Variants in OCIAD1 observed in about 807,000 individuals in gnomAD.
The protein encoded by OCIAD1 is OCIA domain containing 1.
OCIAD1 carries 29 observed loss-of-function variants against 38.9 expected under a neutral mutation model. The observed-to-expected ratio is 0.74, with a 90% confidence interval of 0.55 to 1.02. The LOEUF is 1.02. OCIAD1 is among the 50% of genes least tolerant of loss of function. OCIAD1 has a pLI of 0.00. For missense variants in OCIAD1, 288 were observed against 289.6 expected, an observed-to-expected ratio of 0.99 and a Z score of 0.04; for synonymous variants, 110 against 92.0, an observed-to-expected ratio of 1.20 and a Z score of -1.12.
intron 1 of OCIAD1, among the ~76,000 whole-genome samples, chr4:48,810,285 C>T (rs189527834): frequency 4.9e-4 from 74 of 151,552 alleles, no homozygotes; most frequent in Middle Eastern, 3.4e-3. Flanking sequence ...CTGGCTAACA[C>T]GGTGAAAACC....
At chr4:48,823,800 C>A (rs868503682) in intron 1 of OCIAD1, among the ~76,000 whole-genome samples, 5 of 141,954 alleles carry the variant, frequency 3.5e-5, no homozygotes, top group South Asian at 2.3e-4. Flanking sequence ...TTAGCTAGGA[C>A]TGCAGGGGTG....
At chr4:48,817,804 G>T (rs538625140) in intron 1 of OCIAD1, among the ~76,000 whole-genome samples, 28 of 152,322 alleles carry the variant, frequency 1.8e-4, no homozygotes, top group African/African-American at 6.7e-4. Context: ...TGCTCAGGAG[G>T]CTGGGTGCTC....
chr4:48,821,351 C>T (rs1225554701), intron 1 of OCIAD1, among the ~76,000 whole-genome samples: 1 of 152,184 alleles, frequency 6.6e-6, no homozygotes, highest in Non-Finnish European at 1.5e-5. Flanking sequence ...AATTCAACAT[C>T]TCTTCATGTT....
chr4:48,811,036 T>C (rs769132772), intron 1 of OCIAD1, among the ~76,000 whole-genome samples: 13 of 152,036 alleles, frequency 8.6e-5, no homozygotes, highest in Non-Finnish European at 1.6e-4. Context: ...TTTGTGTTTT[T>C]AATAGAGACA....
chr4:48,810,169 G>A (rs995380413), intron 1 of OCIAD1, among the ~76,000 whole-genome samples: 5 of 152,032 alleles, frequency 3.3e-5, no homozygotes, highest in East Asian at 1.9e-4. Context: ...AGCAGAGTGC[G>A]TTAGCTTTTT....
chr4:48,850,815 T>G (rs779323558), intron 6 of OCIAD1, among the ~76,000 whole-genome samples: 1 of 152,222 alleles, frequency 6.6e-6, no homozygotes, highest in Non-Finnish European at 1.5e-5. Flanking sequence ...GCTCAAGTGA[T>G]CTGCCCCACT....
intron 1 of OCIAD1, among the ~76,000 whole-genome samples, chr4:48,812,880 G>A (rs1481057993): frequency 6.6e-6 from 1 of 152,182 alleles, no homozygotes; most frequent in African/African-American, 2.4e-5. Flanking sequence ...TTACAGTGAA[G>A]AGAAACCAAG....
At chr4:48,846,901 A>G (rs1357363294) in intron 4 of OCIAD1, among the ~76,000 whole-genome samples, 6 of 152,212 alleles carry the variant, frequency 3.9e-5, no homozygotes, top group Admixed American at 2.0e-4. Context: ...CTGTGTGAAT[A>G]CACCAGTTTA....
At chr4:48,819,485 A>G (rs1777170638) in intron 1 of OCIAD1, among the ~76,000 whole-genome samples, 1 of 152,148 alleles carries the variant, frequency 6.6e-6, no homozygotes, top group Admixed American at 6.6e-5. Context: ...AAGAAACTGC[A>G]TCAATTAATG....
At chr4:48,822,790 T>A (rs1777206883) in intron 1 of OCIAD1, among the ~76,000 whole-genome samples, 1 of 152,146 alleles carries the variant, frequency 6.6e-6, no homozygotes, top group East Asian at 1.9e-4. Flanking sequence ...TATAAAAAAA[T>A]GCTCATCATC....
At chr4:48,827,538 GT>G (rs1261678203), upstream of OCIAD1, among the ~76,000 whole-genome samples, 1 of 152,174 alleles carries the variant, frequency 6.6e-6, no homozygotes, top group African/African-American at 2.4e-5. Context: ...CCCAATTTAT[GT>G]TTGAATTCTT....
At chr4:48,825,028 C>A (rs561878273) in intron 1 of OCIAD1, among the ~76,000 whole-genome samples, 10 of 152,154 alleles carry the variant, frequency 6.6e-5, no homozygotes, top group African/African-American at 1.7e-4. Flanking sequence ...TGAGCCACTG[C>A]GCCTGGCTGG....
chr4:48,819,346 C>A (rs760854081), intron 1 of OCIAD1, among the ~76,000 whole-genome samples: 2 of 152,080 alleles, frequency 1.3e-5, no homozygotes, highest in Non-Finnish European at 2.9e-5. Flanking sequence ...CAAGCAAATG[C>A]TGAGGGATTT....
chr4:48,826,795 T>C (rs938876778), upstream of OCIAD1, among the ~76,000 whole-genome samples: 1 of 152,218 alleles, frequency 6.6e-6, no homozygotes, highest in Non-Finnish European at 1.5e-5. Context: ...TCTTGCTTTC[T>C]CTAAACAGCT....
At chr4:48,814,758 A>G (rs1034143157) in intron 1 of OCIAD1, among the ~76,000 whole-genome samples, 2 of 152,114 alleles carry the variant, frequency 1.3e-5, no homozygotes, top group African/African-American at 4.8e-5. Flanking sequence ...ACAAAAAAGA[A>G]CTCACATTTT....
chr4:48,809,623 T>C (rs1445060926), intron 1 of OCIAD1, among the ~76,000 whole-genome samples: 3 of 152,198 alleles, frequency 2.0e-5, no homozygotes, highest in Admixed American at 6.5e-5. Context: ...CTGTCTACCT[T>C]ATCAGCTCTT....
At chr4:48,805,774 G>A (rs1409521979) in intron 1 of OCIAD1, among the ~76,000 whole-genome samples, 1 of 151,764 alleles carries the variant, frequency 6.6e-6, no homozygotes, top group Non-Finnish European at 1.5e-5. Flanking sequence ...CAGTTGTTTA[G>A]AAAAAAAATT....
At chr4:48,827,014 T>C (rs1462754366), upstream of OCIAD1, among the ~76,000 whole-genome samples, 1 of 152,252 alleles carries the variant, frequency 6.6e-6, no homozygotes, top group Non-Finnish European at 1.5e-5. Context: ...TCTTTTCCTT[T>C]GGCTTCTATG....
At chr4:48,831,934 A>G (rs1205497766) in intron 1 of OCIAD1, among the ~76,000 whole-genome samples, 1 of 152,192 alleles carries the variant, frequency 6.6e-6, no homozygotes, top group Non-Finnish European at 1.5e-5. Flanking sequence ...GTTCTGTAAA[A>G]TACGGTTACT....
Sources: gnomAD v4.1 joint callset for allele counts (sites outside exome capture counted in the v4.1 genomes callset) on GRCh38, gnomAD v4.1.1 for gene constraint, MANE v1.5 for transcripts, NCBI Gene and HGNC (gene_info 2026-07-23, HGNC 2026-07-21) for gene names.